The following RASGEF1C variants were observed in gnomAD, a reference collection of about 807,000 sequenced individuals.
RASGEF1C encodes RasGEF domain family member 1C, also known as ras-GEF domain-containing family member 1C.
In RASGEF1C, 27 loss-of-function variants were observed where a neutral mutation model predicts 58.1. That is an observed-to-expected ratio of 0.46 (90% CI 0.34 to 0.64). The LOEUF (loss-of-function observed/expected upper bound fraction) is 0.64. Ranked by LOEUF, RASGEF1C falls within the 30% of genes least tolerant of loss-of-function variation. RASGEF1C has a pLI of 0.01. For synonymous variants in RASGEF1C, 243 were observed against 246.3 expected (o/e 0.99, Z 0.13); for missense variants, 502 against 605.1 (o/e 0.83, Z 1.79).
chr5:180,126,217 C>T (rs1219519517), intron 6 of RASGEF1C, among the ~76,000 whole-genome samples: 1 of 152,152 alleles, frequency 6.6e-6, no homozygotes, highest in Non-Finnish European at 1.5e-5. Context: ...ACCATCATGG[C>T]TTACACGGTG....
chr5:180,115,885 T>G (rs1582263410), intron 10 of RASGEF1C, among the ~76,000 whole-genome samples: 2 of 150,188 alleles, frequency 1.3e-5, no homozygotes. Context: ...ATTGTGGGGG[T>G]GGTCTGTGTC....
chr5:180,168,860 G>C lies in RASGEF1C; in HGVS notation c.-6-30802C>G, dbSNP rs57606278. Among the ~76,000 whole-genome samples, 5,730 of 152,326 alleles carry C rather than the reference G, an allele frequency of 0.038. 170 individuals are homozygous for C. The highest frequency in any genetic ancestry group is 0.099 in the South Asian group (479 of 4,834). On this transcript the variant is annotated intron_variant, in intron 1 of 13. Coordinates refer to ENST00000361132, the MANE Select transcript of RASGEF1C (RefSeq NM_175062.4). This position sits in a 1 kb window ranked among gnomAD's most constrained non-coding sequence, Gnocchi z 6.0. ...TCCCGTTCCTCAAACCAGAAGCAGA[G>C]GGTTTCTCCTGGAGTTCACTGTCAG...
At chr5:180,188,208 T>C (rs1379890450) in intron 1 of RASGEF1C, among the ~76,000 whole-genome samples, 1 of 152,194 alleles carries the variant, frequency 6.6e-6, no homozygotes. Context: ...AAGATTATGT[T>C]ATGTGAAAGC....
intron 11 of RASGEF1C, among the ~76,000 whole-genome samples, chr5:180,114,158 A>G (rs543476830): frequency 7.2e-4 from 109 of 152,266 alleles, no homozygotes; most frequent in African/African-American, 2.4e-3. Flanking sequence ...GGGCCCACGG[A>G]GCTGCCTTTC....
chr5:180,152,911 CAAAAAAAA>C (rs755521241), intron 1 of RASGEF1C, among the ~76,000 whole-genome samples: 2 of 71,700 alleles, frequency 2.8e-5, no homozygotes, highest in Non-Finnish European at 5.7e-5. Context: ...AACCCCATCT[CAAAAAAAA>C]AAAAAAAAAA....
intron 1 of RASGEF1C, among the ~76,000 whole-genome samples, chr5:180,194,607 C>T (rs1756232090): frequency 6.6e-6 from 1 of 152,248 alleles, no homozygotes; most frequent in Non-Finnish European, 1.5e-5. Context: ...GGCTTGTCAG[C>T]ACAGCCCGCT....
chr5:180,110,392 C>CCTT (rs559607201), intron 12 of RASGEF1C, among the ~76,000 whole-genome samples: 2 of 132,288 alleles, frequency 1.5e-5, no homozygotes, highest in Non-Finnish European at 3.1e-5. Context: ...ATCCTTCTCC[C>CCTT]TTTTTTTTTT....
intron 1 of RASGEF1C, among the ~76,000 whole-genome samples, chr5:180,178,900 T>A (rs1178920700): frequency 6.6e-6 from 1 of 151,830 alleles, no homozygotes; most frequent in East Asian, 1.9e-4. Context: ...CTGGAGAATG[T>A]TCTTGGGGGG....
chr5:180,203,510 G>A (rs1756430995), intron 1 of RASGEF1C, among the ~76,000 whole-genome samples: 1 of 152,198 alleles, frequency 6.6e-6, no homozygotes, highest in Admixed American at 6.5e-5. Context: ...CCACATGAGT[G>A]GAGAAGCAAA....
intron 1 of RASGEF1C, among the ~76,000 whole-genome samples, chr5:180,191,417 C>T (rs897728394): frequency 2.6e-5 from 4 of 151,976 alleles, no homozygotes; most frequent in Non-Finnish European, 5.9e-5. Flanking sequence ...AGTGCAGTGG[C>T]GCGATCTCAG....
intron 1 of RASGEF1C, among the ~76,000 whole-genome samples, chr5:180,174,525 T>C (rs776747565): frequency 4.8e-4 from 62 of 128,464 alleles, no homozygotes; most frequent in Non-Finnish European, 9.0e-4. Context: ...CGTACACACG[T>C]GTGTCTCTGT....
intron 10 of RASGEF1C, among the ~76,000 whole-genome samples, chr5:180,114,913 T>C (rs1766037618): frequency 1.3e-5 from 2 of 152,192 alleles, no homozygotes; most frequent in South Asian, 4.1e-4. Flanking sequence ...CCCATCCCCA[T>C]CCAAAGGTCC....
In RASGEF1C at chr5:180,197,076, A is replaced by T. The variant is rs1756292706; in HGVS notation, c.-7+11952T>A. Reference sequence around the variant, plus strand: ...CTCACCACAGGGCAGGGCTGCTCTCACTGACAGGCGCCTGTGGCCAGCCTG... The same window carrying T: ...CTCACCACAGGGCAGGGCTGCTCTCTCTGACAGGCGCCTGTGGCCAGCCTG... On this transcript the variant is annotated intron_variant, in intron 1 of 13. Coordinates refer to ENST00000361132, the MANE Select transcript of RASGEF1C (RefSeq NM_175062.4). The surrounding 1 kb of genome is among the most constrained non-coding windows in gnomAD (Gnocchi z 4.7). 1.3e-5 allele frequency among the ~76,000 whole-genome samples: 2 copies of T among 152,194 alleles called. No individual in the cohort carries two copies. The highest frequency in any genetic ancestry group is 4.8e-5 in the African/African-American group (2 of 41,444).
intron 1 of RASGEF1C, among the ~76,000 whole-genome samples, chr5:180,207,605 GGGC>G (rs1756511133): frequency 7.1e-6 from 1 of 141,212 alleles, no homozygotes; most frequent in Admixed American, 7.1e-5. Flanking sequence ...GTCCCGCCCT[GGGC>G]TCCGCAGCCC....
At chr5:180,132,205 C>G (rs527347711) in intron 4 of RASGEF1C, among the ~76,000 whole-genome samples, 74 of 152,364 alleles carry the variant, frequency 4.9e-4, no homozygotes, top group African/African-American at 1.6e-3. Flanking sequence ...AGCCCTCTCT[C>G]CGCACTGATC....
At chr5:180,183,813 A>T (rs1755965266) in intron 1 of RASGEF1C, among the ~76,000 whole-genome samples, 1 of 148,818 alleles carries the variant, frequency 6.7e-6, no homozygotes, top group African/African-American at 2.5e-5. Flanking sequence ...CAAGAGCAAA[A>T]CTCCATCTCA....
intron 1 of RASGEF1C, among the ~76,000 whole-genome samples, chr5:180,144,935 C>G (rs1399038533): frequency 1.3e-5 from 2 of 152,108 alleles, no homozygotes; most frequent in East Asian, 1.9e-4. Context: ...GTATTTCATT[C>G]ATCTTTGTCA....
intron 1 of RASGEF1C, among the ~76,000 whole-genome samples, chr5:180,200,919 G>A (rs577898538): frequency 6.6e-6 from 1 of 152,142 alleles, no homozygotes; most frequent in Non-Finnish European, 1.5e-5. Context: ...GGGGAGCTGG[G>A]ACCAAGAACT....
intron 1 of RASGEF1C, among the ~76,000 whole-genome samples, chr5:180,161,679 C>T (rs1731318407): frequency 6.6e-6 from 1 of 152,268 alleles, no homozygotes; most frequent in South Asian, 2.1e-4. Flanking sequence ...CCCGCGGCTC[C>T]TGGAACACCG....
Sources: gnomAD v4.1 joint callset for allele counts (sites outside exome capture counted in the v4.1 genomes callset) on GRCh38, gnomAD v4.1.1 for gene constraint, Gnocchi (gnomAD v3.1) non-coding constraint, MANE v1.5 for transcripts, NCBI Gene and HGNC (gene_info 2026-07-23, HGNC 2026-07-21) for gene names.